Variants in REEP1 observed in about 807,000 individuals in gnomAD.
REEP1 encodes receptor accessory protein 1, also known as receptor expression-enhancing protein 1.
Under a neutral mutation model 40.3 loss-of-function variants are expected in REEP1, and 22 were observed. That is an observed-to-expected ratio of 0.55 (90% CI 0.39 to 0.78). The LOEUF (loss-of-function observed/expected upper bound fraction) is 0.78, where lower values mean the gene tolerates loss of function less well. REEP1 is among the 30% of genes least tolerant of loss of function. The pLI is 0.00. For missense variants in REEP1, 280 were observed against 361.1 expected (o/e 0.78, Z 1.82); for synonymous variants, 116 against 139.2 (o/e 0.83, Z 1.17).
intron 6 of REEP1, among the ~76,000 whole-genome samples, chr2:86,231,232 T>TG (rs567671736): frequency 0.023 from 3,462 of 149,572 alleles, 61 homozygotes; most frequent in South Asian, 0.052. Flanking sequence ...ATTCCATTCC[T>TG]GGGGGGGGGT....
intron 2 of REEP1, among the ~76,000 whole-genome samples, chr2:86,268,134 G>T (rs1677241990): frequency 6.6e-6 from 1 of 152,020 alleles, no homozygotes; most frequent in Non-Finnish European, 1.5e-5. Flanking sequence ...TATCATAATG[G>T]AAGTCCTAGA....
At chr2:86,264,361 T>C (rs1434010325) in intron 2 of REEP1, among the ~76,000 whole-genome samples, 6 of 152,164 alleles carry the variant, frequency 3.9e-5, no homozygotes, top group Admixed American at 3.9e-4. Context: ...GAAAATGCTC[T>C]AGGCCTCTAC....
chr2:86,265,164 A>T (rs1677071087), intron 2 of REEP1, among the ~76,000 whole-genome samples: 1 of 152,244 alleles, frequency 6.6e-6, no homozygotes, highest in Admixed American at 6.5e-5. Flanking sequence ...ATATAAATAC[A>T]TATAGATATA....
intron 7 of REEP1, among the ~76,000 whole-genome samples, chr2:86,227,121 C>T (rs1260597219): frequency 2.0e-5 from 3 of 152,210 alleles, no homozygotes; most frequent in African/African-American, 7.2e-5. Flanking sequence ...CCCAGGCTGA[C>T]ATCTTGACTG....
intron 1 of REEP1, among the ~76,000 whole-genome samples, chr2:86,301,036 T>C (rs574126608): frequency 4.6e-5 from 7 of 152,114 alleles, no homozygotes; most frequent in Non-Finnish European, 8.8e-5. Flanking sequence ...TTAAGCAGTA[T>C]CCAGATGTGA....
intron 5 of REEP1, among the ~76,000 whole-genome samples, chr2:86,235,747 C>A (rs1675288305): frequency 6.6e-6 from 1 of 152,178 alleles, no homozygotes; most frequent in African/African-American, 2.4e-5. Flanking sequence ...CTCCCAGAAG[C>A]CAGCCAGTCT....
At chr2:86,333,026 G>T (rs886102514) in intron 1 of REEP1, among the ~76,000 whole-genome samples, 1 of 152,176 alleles carries the variant, frequency 6.6e-6, no homozygotes, top group African/African-American at 2.4e-5. Flanking sequence ...CATGTCTGCT[G>T]CCTACTAGCC....
At chr2:86,304,217 A>G (rs1188602588) in intron 1 of REEP1, among the ~76,000 whole-genome samples, 1 of 152,142 alleles carries the variant, frequency 6.6e-6, no homozygotes, top group African/African-American at 2.4e-5. Flanking sequence ...ATATTCCAGC[A>G]AAACAAAGGA....
At chr2:86,272,639 T>TA (rs747383655) in intron 2 of REEP1, among the ~76,000 whole-genome samples, 5 of 152,190 alleles carry the variant, frequency 3.3e-5, no homozygotes, top group Non-Finnish European at 5.9e-5. Flanking sequence ...CTAACACAGG[T>TA]AACCAATCCC....
At chr2:86,263,839 C>T in intron 3 of REEP1, 126 bp downstream of exon 3, 1 of 746,220 alleles carries the variant, frequency 1.3e-6, no homozygotes, top group Non-Finnish European at 2.5e-6. Context: ...CTCCAGTTAA[C>T]ATCCCTGCTC....
In REEP1 at chr2:86,216,087, CCT is replaced by C. The variant is rs1674098848; in HGVS notation, c.*950_*951del. Reference sequence around the variant, plus strand: ...AAACAAGGTGCTCAGAGTGTAAGCTCCTCTGTCAGGAAATCGGCAGCACTGGT... The same window carrying C: ...AAACAAGGTGCTCAGAGTGTAAGCTCCTGTCAGGAAATCGGCAGCACTGGT... On this transcript the variant is annotated 3_prime_UTR_variant, in exon 9 of 9. Coordinates refer to ENST00000538924, the MANE Select transcript of REEP1 (RefSeq NM_001371279.1). The C allele has an allele frequency of 6.6e-6, 1 of 152,198 alleles. No homozygotes were observed. The highest frequency in any genetic ancestry group is 2.4e-5 in the African/African-American group (1 of 41,436). 9.4% of individuals were successfully genotyped at this position (152,198 alleles called of 1,614,324 possible). A position where few individuals can be genotyped will look rare whatever the true frequency, so the allele number is the denominator to read the frequency against.
At chr2:86,311,804 T>TCA (rs1364766560) in intron 1 of REEP1, among the ~76,000 whole-genome samples, 1 of 152,160 alleles carries the variant, frequency 6.6e-6, no homozygotes, top group Non-Finnish European at 1.5e-5. Flanking sequence ...TGAGTATCTG[T>TCA]CACCCCTATG....
chr2:86,226,871 T>TCA (rs1674737684), intron 7 of REEP1, among the ~76,000 whole-genome samples: 1 of 152,124 alleles, frequency 6.6e-6, no homozygotes, highest in African/African-American at 2.4e-5. Flanking sequence ...CTGTGCTTAA[T>TCA]GACTTGCTTC....
intron 5 of REEP1, among the ~76,000 whole-genome samples, chr2:86,240,996 G>A (rs1380796188): frequency 6.6e-6 from 1 of 152,230 alleles, no homozygotes; most frequent in Non-Finnish European, 1.5e-5. Flanking sequence ...AAGCCTGGGA[G>A]GTTAGACAGG....
At chr2:86,289,740 A>T (rs1678594996) in intron 1 of REEP1, among the ~76,000 whole-genome samples, 1 of 152,066 alleles carries the variant, frequency 6.6e-6, no homozygotes, top group African/African-American at 2.4e-5. Context: ...CTCCATAAAG[A>T]TCTTGTACAT....
chr2:86,310,525 C>A (rs917821166), intron 1 of REEP1, among the ~76,000 whole-genome samples: 2 of 152,132 alleles, frequency 1.3e-5, no homozygotes, highest in African/African-American at 2.4e-5. Flanking sequence ...ACACAGTTCT[C>A]AGAACATACC....
intron 4 of REEP1, 21 bp from the exon 5 acceptor site, chr2:86,252,091 G>A: frequency 6.6e-7 from 1 of 1,504,310 alleles, no homozygotes; most frequent in Non-Finnish European, 9.3e-7. Flanking sequence ...AAAAACAGAG[G>A]CACACTGAGC....
intron 6 of REEP1, among the ~76,000 whole-genome samples, chr2:86,230,616 C>T (rs10201457): frequency 0.41 from 62,135 of 152,162 alleles, 14,461 homozygotes; most frequent in Non-Finnish European, 0.54. Flanking sequence ...CATGACAATG[C>T]GCCTTCTCAG....
chr2:86,254,685 A>G lies in REEP1; in HGVS notation c.303+9T>C. The stretch of plus-strand genomic sequence containing the variant: ...TAGAAAGAATGAAAGACATGGCAGC[A>G]TATATTACCTTTTCTTTTGAAGATA... On this transcript the variant is annotated intron_variant, in intron 4 of 8. Coordinates refer to ENST00000538924, the MANE Select transcript of REEP1 (RefSeq NM_001371279.1). The G allele has an allele frequency of 6.2e-7, 1 of 1,612,640 alleles. No individual in the cohort carries two copies. The highest frequency in any genetic ancestry group is 8.5e-7 in the Non-Finnish European group (1 of 1,178,648).
Sources: allele counts gnomAD v4.1 joint callset (sites outside exome capture counted in the v4.1 genomes callset), GRCh38; gene constraint gnomAD v4.1.1; transcripts MANE v1.5; gene names NCBI Gene and HGNC (gene_info 2026-07-23, HGNC 2026-07-21).